The following CELF2 variants were observed in gnomAD, a reference collection of about 807,000 sequenced individuals.
CELF2 encodes CUGBP Elav-like family member 2.
A neutral mutation model predicts 62.6 loss-of-function variants in CELF2; 8 were observed. That is an observed-to-expected ratio of 0.13 (90% confidence interval 0.07 to 0.23). The LOEUF is 0.23. Ranked by LOEUF, CELF2 falls within the 10% of genes least tolerant of loss-of-function variation. The pLI is 1.00. For synonymous variants in CELF2, 258 were observed against 250.0 expected (o/e 1.03, Z -0.30); for missense variants, 333 against 671.0 (o/e 0.50, Z 5.56).
At chr10:11,080,913 A>G (rs2073851252) in intron 1 of CELF2, among the ~76,000 whole-genome samples, 1 of 152,236 alleles carries the variant, frequency 6.6e-6, no homozygotes, top group South Asian at 2.1e-4. Flanking sequence ...GAGGCAGGCT[A>G]GGGCTGTCTG....
At chr10:10,877,229 C>T (rs1262220203) in intron 1 of CELF2, among the ~76,000 whole-genome samples, 1 of 152,222 alleles carries the variant, frequency 6.6e-6, no homozygotes, top group Non-Finnish European at 1.5e-5. Flanking sequence ...TGAGACAGCT[C>T]TCAGTTAATT....
chr10:11,155,368 C>T (rs891754506), intron 1 of CELF2, among the ~76,000 whole-genome samples: 1 of 114,974 alleles, frequency 8.7e-6, no homozygotes, highest in Non-Finnish European at 1.9e-5. Flanking sequence ...TGTCTGCCCT[C>T]ATCATGACAT....
At chr10:10,827,098 GTTGT>G (rs147677000) in intron 1 of CELF2, among the ~76,000 whole-genome samples, 66,905 of 151,164 alleles carry the variant, frequency 0.44, 15,602 homozygotes, top group African/African-American at 0.59. Context: ...ATCAAAGAGG[GTTGT>G]TTGTTTGTTT....
chr10:11,131,997 T>C (rs1261676908), intron 1 of CELF2, among the ~76,000 whole-genome samples: 2 of 152,258 alleles, frequency 1.3e-5, no homozygotes, highest in Non-Finnish European at 2.9e-5. Context: ...AATAAAACCG[T>C]AATTTTATAA....
At chr10:11,065,071 G>A (rs1311243778) in intron 1 of CELF2, among the ~76,000 whole-genome samples, 1 of 152,160 alleles carries the variant, frequency 6.6e-6, no homozygotes, top group Non-Finnish European at 1.5e-5. Flanking sequence ...AAGCAATCAA[G>A]CAGTTCAAGC....
At chr10:10,477,485 G>A in the CELF2 span, among the ~76,000 whole-genome samples, 1 of 152,026 alleles carries the variant, frequency 6.6e-6, no homozygotes, top group South Asian at 2.1e-4. Context: ...CATCTGGTGG[G>A]CATTCAGTCA....
chr10:11,245,700 G>T (rs1187606168), intron 3 of CELF2, among the ~76,000 whole-genome samples: 2 of 152,220 alleles, frequency 1.3e-5, no homozygotes, highest in Non-Finnish European at 2.9e-5. Flanking sequence ...CAGTCTTGGT[G>T]TCATATGAGT....
At position 11,224,770 on chromosome 10, in the gene CELF2, G is replaced by A. The variant is rs188510533; in HGVS notation, c.354+7263G>A. ...AGGAGATGATGTCCAGGTGAAGTGC[G>A]CTCGTGAGTTCGGAGCCTGGAGCTT... On this transcript the variant is annotated intron_variant, in intron 3 of 12. Transcript: ENST00000633077. The surrounding 1 kb of genome is among the most constrained non-coding windows in gnomAD (Gnocchi z 4.5). 4.6e-5 allele frequency among the ~76,000 whole-genome samples: 7 copies of A among 152,206 alleles called. No homozygotes were observed. Among genetic ancestry groups the A allele is most frequent in the Non-Finnish European group, 8.8e-5 (6 of 68,002 alleles).
the CELF2 span, among the ~76,000 whole-genome samples, chr10:10,674,470 A>G: frequency 0.22 from 33,759 of 152,160 alleles, 3,954 homozygotes; most frequent in South Asian, 0.43. Flanking sequence ...TTGATCCACT[A>G]TAACAGTCTG....
chr10:10,846,981 A>G (rs2059056237), intron 1 of CELF2, among the ~76,000 whole-genome samples: 1 of 152,182 alleles, frequency 6.6e-6, no homozygotes, highest in Non-Finnish European at 1.5e-5. Context: ...AGAAAGGCAG[A>G]TGTCTCCGAT....
chr10:10,954,673 C>G (rs1421868737), intron 2 of CELF2, among the ~76,000 whole-genome samples: 1 of 152,118 alleles, frequency 6.6e-6, no homozygotes, highest in Non-Finnish European at 1.5e-5. Context: ...AATCCTGCAC[C>G]GTTTGTAGAA....
At chr10:11,208,210 A>T (rs1565307120) in intron 2 of CELF2, among the ~76,000 whole-genome samples, 1 of 152,036 alleles carries the variant, frequency 6.6e-6, no homozygotes, top group East Asian at 1.9e-4. Flanking sequence ...AGGCTGGTAG[A>T]ACTAGTGTAG....
At chr10:10,832,250 A>G (rs566540547) in intron 1 of CELF2, among the ~76,000 whole-genome samples, 7 of 150,334 alleles carry the variant, frequency 4.7e-5, no homozygotes, top group Non-Finnish European at 1.0e-4. Flanking sequence ...CCTGGGCAAC[A>G]GAGCGAGACT....
At chr10:11,120,393 A>G (rs958962248) in intron 1 of CELF2, among the ~76,000 whole-genome samples, 1 of 152,078 alleles carries the variant, frequency 6.6e-6, no homozygotes, top group Non-Finnish European at 1.5e-5. Flanking sequence ...CTTAGTTTTT[A>G]ATGTTCTAAC....
At chr10:10,943,447 G>A (rs892381323) in intron 2 of CELF2, among the ~76,000 whole-genome samples, 1 of 152,200 alleles carries the variant, frequency 6.6e-6, no homozygotes, top group Non-Finnish European at 1.5e-5. Flanking sequence ...TTCTTACAAG[G>A]ATGGGCAGAT....
chr10:10,757,717 A>C, the CELF2 span, among the ~76,000 whole-genome samples: 1 of 152,216 alleles, frequency 6.6e-6, no homozygotes, highest in East Asian at 1.9e-4. Flanking sequence ...AAGAAGTTGG[A>C]TCTACACCTG....
chr10:10,492,958 C>A, the CELF2 span, among the ~76,000 whole-genome samples: 4 of 152,156 alleles, frequency 2.6e-5, no homozygotes, highest in Admixed American at 6.5e-5. Flanking sequence ...GTAAGACGTG[C>A]CTTTCACCTC....
chr10:11,197,028 A>AGGAAGGAAGGAAGGAAGGAAG (rs2057913830), intron 2 of CELF2, among the ~76,000 whole-genome samples: 5 of 20,968 alleles, frequency 2.4e-4, no homozygotes, highest in African/African-American at 7.8e-4. Flanking sequence ...AAGAAAGAAA[A>AGGAAGGAAGGAAGGAAGGAAG]GAAAGAAAGA....
chr10:11,211,807 AGAGAGAGTGTGT>A lies in CELF2; in HGVS notation c.272-5616_272-5605del, dbSNP rs1336643661. ...GTATGTGTGTGAGAGAGAGAGAGAG[AGAGAGAGTGTGT>A]GTGTGTGTGTGTGTGTGTGTGTGTG... is the stretch of plus-strand genomic sequence containing the variant. On this transcript the variant is annotated intron_variant, in intron 2 of 12. Coordinates refer to ENST00000633077, the MANE Select transcript of CELF2 (RefSeq NM_001326342.2). The surrounding 1 kb of genome is among the most constrained non-coding windows in gnomAD (Gnocchi z 4.8). Among the ~76,000 whole-genome samples, 183 of 120,732 alleles carry A rather than the reference AGAGAGAGTGTGT, an allele frequency of 1.5e-3. No homozygotes were observed. Among genetic ancestry groups the A allele is most frequent in the African/African-American group, 5.1e-3 (143 of 28,154 alleles). The allele number at this position is 120,732 out of a possible 152,430, so 79.2% of individuals were successfully genotyped here.
Sources: gnomAD v4.1 joint callset for allele counts (sites outside exome capture counted in the v4.1 genomes callset) on GRCh38, gnomAD v4.1.1 for gene constraint, Gnocchi (gnomAD v3.1) non-coding constraint, MANE v1.5 for transcripts, NCBI Gene and HGNC (gene_info 2026-07-23, HGNC 2026-07-21) for gene names.